RNF150: variants seen among roughly 807,000 people sequenced by gnomAD.
The protein encoded by RNF150 is ring finger protein 150.
RNF150 carries 24 observed loss-of-function variants against 39.3 expected under a neutral mutation model. That is an observed-to-expected ratio of 0.61 (90% CI 0.44 to 0.86). RNF150 has a LOEUF of 0.86. Among genes scored for constraint, RNF150 ranks in the 40% least tolerant of loss-of-function variants. The pLI, the probability that RNF150 is intolerant of heterozygous loss-of-function variation, is 0.00. For synonymous variants in RNF150, 255 were observed against 227.3 expected, an observed-to-expected ratio of 1.12 and a Z score of -1.10; for missense variants, 502 against 587.8, an observed-to-expected ratio of 0.85 and a Z score of 1.51.
At chr4:141,209,768 TA>T (rs893058555) in intron 1 of RNF150, among the ~76,000 whole-genome samples, 22 of 151,290 alleles carry the variant, frequency 1.5e-4, no homozygotes, top group Non-Finnish European at 2.7e-4. Context: ...GGGGTATCTA[TA>T]AAAAAAAACT....
chr4:141,124,995 CT>C (rs1726712894), intron 1 of RNF150, among the ~76,000 whole-genome samples: 1 of 152,120 alleles, frequency 6.6e-6, no homozygotes, highest in South Asian at 2.1e-4. Context: ...TAGTGAAAAT[CT>C]TTTTCTAAAT....
chr4:141,050,706 G>A (rs1191006256), intron 1 of RNF150, among the ~76,000 whole-genome samples: 1 of 152,198 alleles, frequency 6.6e-6, no homozygotes, highest in Non-Finnish European at 1.5e-5. Flanking sequence ...ATGGTCTTGG[G>A]CAGCTCCGCC....
chr4:141,151,407 C>G (rs932273212), intron 1 of RNF150, among the ~76,000 whole-genome samples: 1 of 126,126 alleles, frequency 7.9e-6, no homozygotes, highest in Non-Finnish European at 1.6e-5. Flanking sequence ...CCCATCTCTA[C>G]AGACACACAC....
rs1728465765 is a variant in RNF150 at position 140,860,927 on chromosome 4, A to G, written c.*7334T>C. 1 of 152,112 alleles carries G rather than the reference A, an allele frequency of 6.6e-6. No homozygotes were observed. Among genetic ancestry groups the G allele is most frequent in the Admixed American group, 6.6e-5 (1 of 15,260 alleles). The allele number at this position is 152,112 out of a possible 1,614,324, so 9.4% of individuals were successfully genotyped here. ...ATAATCATCCTCCCAGCTCATGAAC[A>G]TTTTAAAGAACAATACCCATTTTTT... On this transcript the variant is annotated 3_prime_UTR_variant, in exon 7 of 7. Transcript: ENST00000515673.
chr4:140,992,679 G>C (rs1734236981), intron 1 of RNF150, among the ~76,000 whole-genome samples: 1 of 152,160 alleles, frequency 6.6e-6, no homozygotes, highest in Non-Finnish European at 1.5e-5. Flanking sequence ...TGATGGGTAA[G>C]GGGCACTTAG....
At chr4:140,990,138 A>C (rs1734145360) in intron 1 of RNF150, among the ~76,000 whole-genome samples, 1 of 152,208 alleles carries the variant, frequency 6.6e-6, no homozygotes, top group Non-Finnish European at 1.5e-5. Flanking sequence ...CACAGACTGC[A>C]TTCTGCAACA....
chr4:140,968,269 C>T (rs557881246), intron 1 of RNF150, among the ~76,000 whole-genome samples: 5 of 152,016 alleles, frequency 3.3e-5, no homozygotes, highest in Non-Finnish European at 2.9e-5. Context: ...TGGGACTTTG[C>T]ATTCCATGAC....
intron 1 of RNF150, among the ~76,000 whole-genome samples, chr4:141,020,084 G>GT (rs1308488258): frequency 2.3e-4 from 33 of 143,898 alleles, no homozygotes; most frequent in Admixed American, 6.5e-4. Flanking sequence ...AGCCAAGGGA[G>GT]TTTTTTTTTG....
At chr4:141,099,024 G>A (rs77092722) in intron 1 of RNF150, among the ~76,000 whole-genome samples, 6 of 152,110 alleles carry the variant, frequency 3.9e-5, no homozygotes, top group Non-Finnish European at 5.9e-5. Context: ...GAAATGTGGC[G>A]ATTTGGTGAT....
At chr4:140,972,535 C>G (rs1161148382) in intron 1 of RNF150, among the ~76,000 whole-genome samples, 1 of 152,104 alleles carries the variant, frequency 6.6e-6, no homozygotes, top group African/African-American at 2.4e-5. Context: ...GCCTTTCTTC[C>G]TTCTACAGTA....
chr4:141,022,301 T>C (rs1028470418), intron 1 of RNF150, among the ~76,000 whole-genome samples: 4 of 152,270 alleles, frequency 2.6e-5, no homozygotes, highest in Admixed American at 2.0e-4. Context: ...TCCTCTTTCA[T>C]GATTTTTATC....
intron 6 of RNF150, among the ~76,000 whole-genome samples, chr4:140,879,552 T>C (rs1479934155): frequency 6.6e-6 from 1 of 152,176 alleles, no homozygotes; most frequent in Non-Finnish European, 1.5e-5. Context: ...TCAACTAATC[T>C]TTTATGTTAA....
At position 141,075,185 on chromosome 4, in the gene RNF150, T is replaced by C. The variant is rs183455791; in HGVS notation, c.484+57140A>G. Among the ~76,000 whole-genome samples, 411 of 152,334 alleles carry C rather than the reference T, an allele frequency of 2.7e-3. 4 individuals are homozygous for C. The highest frequency in any genetic ancestry group is 6.6e-4 in the Non-Finnish European group (45 of 68,026). ...GTGTTTTTTTAAGAATCAGAAGATA[T>C]GTATTTTAGGCTTCATGGACCATAT... is the stretch of plus-strand genomic sequence containing the variant. On this transcript the variant is annotated intron_variant, in intron 1 of 6. Transcript: ENST00000515673.
At chr4:141,147,058 G>C (rs910814462) in intron 1 of RNF150, among the ~76,000 whole-genome samples, 18 of 152,060 alleles carry the variant, frequency 1.2e-4, no homozygotes, top group African/African-American at 4.1e-4. Context: ...GTGCTCAATC[G>C]CTCCTCCCAC....
At chr4:140,969,756 C>CTT (rs70946718) in intron 1 of RNF150, among the ~76,000 whole-genome samples, 27,555 of 76,230 alleles carry the variant, frequency 0.36, 5,898 homozygotes, top group Non-Finnish European at 0.48. Context: ...ACAAGTTTTA[C>CTT]TTTTTTTTTT....
At chr4:140,994,826 C>A (rs985946966) in intron 1 of RNF150, among the ~76,000 whole-genome samples, 2 of 151,942 alleles carry the variant, frequency 1.3e-5, no homozygotes, top group Admixed American at 6.6e-5. Flanking sequence ...ATCTATAAGT[C>A]TTTTTTTAAT....
intron 4 of RNF150, among the ~76,000 whole-genome samples, chr4:140,945,575 A>T (rs1045863472): frequency 1.3e-5 from 2 of 148,212 alleles, no homozygotes; most frequent in Admixed American, 1.4e-4. Flanking sequence ...ACATATATAC[A>T]TATATATACT....
At chr4:140,908,122 AT>A (rs1730461673) in intron 6 of RNF150, among the ~76,000 whole-genome samples, 2 of 152,368 alleles carry the variant, frequency 1.3e-5, no homozygotes, top group Middle Eastern at 6.8e-3. Context: ...TGATTTCTGA[AT>A]AGCATTAGAG....
chr4:140,966,637 C>T (rs1181016558), intron 2 of RNF150, among the ~76,000 whole-genome samples: 1 of 151,944 alleles, frequency 6.6e-6, no homozygotes, highest in African/African-American at 2.4e-5. Context: ...AATGTGGTAC[C>T]ATTTTTAACT....
Sources: gnomAD v4.1 joint callset for allele counts (sites outside exome capture counted in the v4.1 genomes callset) on GRCh38, gnomAD v4.1.1 for gene constraint, MANE v1.5 for transcripts, NCBI Gene and HGNC (gene_info 2026-07-23, HGNC 2026-07-21) for gene names.